C9orf85: variants seen among roughly 807,000 people sequenced by gnomAD.
C9orf85 encodes the protein chromosome 9 open reading frame 85.
In C9orf85, 16 loss-of-function variants were observed where a neutral mutation model predicts 14.9. That is an observed-to-expected ratio of 1.08 (90% CI 0.73 to 1.63). The LOEUF is 1.63. Ranked by LOEUF, C9orf85 falls within the 40% of genes most tolerant of loss-of-function variation. C9orf85 has a pLI of 0.00. For synonymous variants in C9orf85, 45 were observed against 56.8 expected, an observed-to-expected ratio of 0.79 and a Z score of 0.93; for missense variants, 172 against 186.1, an observed-to-expected ratio of 0.92 and a Z score of 0.44.
At chr9:71,923,124 C>T (rs1031226272) in intron 1 of C9orf85, among the ~76,000 whole-genome samples, 6 of 152,076 alleles carry the variant, frequency 3.9e-5, no homozygotes, top group Non-Finnish European at 8.8e-5. Context: ...TGCAAGACTC[C>T]GTCTCAAAAA....
downstream of C9orf85, among the ~76,000 whole-genome samples, chr9:71,977,471 A>G (rs1823026099): frequency 6.6e-6 from 1 of 152,232 alleles, no homozygotes; most frequent in African/African-American, 2.4e-5. Context: ...TTGATATACC[A>G]TGTATACAAG....
intron 1 of C9orf85, among the ~76,000 whole-genome samples, chr9:71,922,811 T>C (rs917319399): frequency 3.3e-5 from 5 of 152,184 alleles, no homozygotes; most frequent in Non-Finnish European, 5.9e-5. Flanking sequence ...TGCTCCTCAC[T>C]GGTAACTGCT....
intron 1 of C9orf85, among the ~76,000 whole-genome samples, chr9:71,933,658 C>T (rs1364288939): frequency 1.3e-5 from 2 of 152,124 alleles, no homozygotes; most frequent in Middle Eastern, 3.2e-3. Context: ...TCAGGAGATA[C>T]TTTGTCCCCT....
At chr9:71,935,886 CTG>C (rs1308698803) in intron 1 of C9orf85, among the ~76,000 whole-genome samples, 1 of 109,862 alleles carries the variant, frequency 9.1e-6, no homozygotes, top group Non-Finnish European at 1.8e-5. Flanking sequence ...ATTTTATGCT[CTG>C]TGTATTTACC....
At chr9:71,964,606 G>A (rs1442568585) in intron 2 of C9orf85, among the ~76,000 whole-genome samples, 9 of 151,966 alleles carry the variant, frequency 5.9e-5, no homozygotes, top group Admixed American at 5.9e-4. Flanking sequence ...AAGAAACTCC[G>A]AGCACATCTG....
rs142044888 is a variant in C9orf85 at position 71,972,575 on chromosome 9, A to G, written c.324-117A>G. The G allele has an allele frequency of 1.1e-3, 742 of 706,430 alleles. 3 individuals are homozygous for G. In the African/African-American group the frequency reaches 0.013, roughly 12 times the overall value. 43.8% of individuals were successfully genotyped at this position (706,430 alleles called of 1,614,324 possible). ...CTCCCAGGTGGATCTTTTTCTTTAT[A>G]CTTACTTCATTAGGTTTCTGTTATT... On this transcript the variant is annotated intron_variant, in intron 3 of 3. Transcript: ENST00000334731.
chr9:71,916,442 G>A (rs547029547), intron 1 of C9orf85, among the ~76,000 whole-genome samples: 6 of 151,842 alleles, frequency 4.0e-5, no homozygotes, highest in African/African-American at 1.2e-4. Flanking sequence ...GAGGTGGGTC[G>A]TAGTATACAT....
intron 2 of C9orf85, among the ~76,000 whole-genome samples, chr9:71,953,499 T>G (rs145917063): frequency 1.3e-5 from 2 of 152,300 alleles, no homozygotes; most frequent in African/African-American, 4.8e-5. Context: ...TCTAGAGATG[T>G]CTGGCCTGAG....
chr9:71,952,816 G>A (rs895829352), intron 2 of C9orf85, among the ~76,000 whole-genome samples: 12 of 151,800 alleles, frequency 7.9e-5, no homozygotes, highest in African/African-American at 2.7e-4. Context: ...TTAGAAATGT[G>A]GCAGACGAAT....
intron 2 of C9orf85, among the ~76,000 whole-genome samples, chr9:71,963,926 G>A (rs4745143): frequency 0.95 from 143,898 of 152,126 alleles, 68,499 homozygotes; most frequent in East Asian, 1. Context: ...GAGTGCGGGC[G>A]CACGGCACGG....
At chr9:71,970,745 G>A (rs888106748) in intron 2 of C9orf85, among the ~76,000 whole-genome samples, 6 of 152,006 alleles carry the variant, frequency 3.9e-5, no homozygotes, top group African/African-American at 1.4e-4. Flanking sequence ...AAAAAAGCCA[G>A]CTGGAATTTT....
chr9:71,921,756 C>A (rs560065024), intron 1 of C9orf85, among the ~76,000 whole-genome samples: 1 of 152,024 alleles, frequency 6.6e-6, no homozygotes, highest in Non-Finnish European at 1.5e-5. Flanking sequence ...AATAAACATT[C>A]CTTTTTTTTA....
chr9:71,926,449 A>G (rs939228265), intron 1 of C9orf85, among the ~76,000 whole-genome samples: 3 of 152,176 alleles, frequency 2.0e-5, no homozygotes, highest in Admixed American at 6.6e-5. Flanking sequence ...AGCTAAGCAG[A>G]CTAAACTTTT....
chr9:71,971,753 C>T lies in C9orf85; in HGVS notation c.323+135C>T, dbSNP rs533635625. On this transcript the variant is annotated intron_variant, in intron 3 of 3. Transcript: ENST00000334731. ...CTTTGGGAGGCCAAGGCAGGTGGAT[C>T]ACGAGGTCAGGAGTTCAAGACCAGA... 49 of 550,720 alleles carry T rather than the reference C, an allele frequency of 8.9e-5. 1 individual carries two copies. In the South Asian group the frequency reaches 1.1e-3, roughly 12 times the overall value. The allele number at this position is 550,720 out of a possible 1,614,324, so 34.1% of individuals were successfully genotyped here.
chr9:71,930,045 CAT>C (rs1444799065), intron 1 of C9orf85, among the ~76,000 whole-genome samples: 1 of 150,986 alleles, frequency 6.6e-6, no homozygotes, highest in African/African-American at 2.4e-5. Context: ...CAGAATTAGA[CAT>C]GTGGTTTGTA....
intron 1 of C9orf85, chr9:71,912,071 G>A (rs1827514585): frequency 3.8e-6 from 2 of 528,032 alleles, no homozygotes; most frequent in Admixed American, 5.3e-5. Context: ...TGCACAGAGT[G>A]AACAGGACCC....
At chr9:71,977,023 C>T (rs1318675396), downstream of C9orf85, among the ~76,000 whole-genome samples, 1 of 152,144 alleles carries the variant, frequency 6.6e-6, no homozygotes, top group Non-Finnish European at 1.5e-5. Flanking sequence ...ATGTCTAGAG[C>T]TTGCAGCCAT....
At position 71,911,755 on chromosome 9, in the gene C9orf85, C is replaced by T; in HGVS notation, c.21C>T (p.Asn7=). 1 of 1,614,174 alleles carries T rather than the reference C, an allele frequency of 6.2e-7. No individual in the cohort carries two copies. The highest frequency in any genetic ancestry group is 8.5e-7 in the Non-Finnish European group (1 of 1,180,018). ...CGGCGATGAGCTCCCAGAAAGGCAACGTGGCTCGTTCCAGACCTCAGAAGC... is the reference window on the plus strand; with the variant it reads ...CGGCGATGAGCTCCCAGAAAGGCAATGTGGCTCGTTCCAGACCTCAGAAGC... MSSQKG[N]VARSRPQKHQ... Residue 7 remains asparagine (N), a synonymous_variant, in exon 1 of 4, where the codon AAC becomes AAT. Coordinates refer to ENST00000334731, the MANE Select transcript of C9orf85 (RefSeq NM_182505.5).
chr9:71,955,182 T>C (rs893557147), intron 2 of C9orf85, among the ~76,000 whole-genome samples: 11 of 152,124 alleles, frequency 7.2e-5, no homozygotes, highest in Non-Finnish European at 1.2e-4. Flanking sequence ...GTCCTTGGCA[T>C]TGTATTATTG....
Sources: gnomAD v4.1 joint callset for allele counts (sites outside exome capture counted in the v4.1 genomes callset) on GRCh38, gnomAD v4.1.1 for gene constraint, MANE v1.5 for transcripts, NCBI Gene and HGNC (gene_info 2026-07-23, HGNC 2026-07-21) for gene names.